F2RL2: variants seen among roughly 807,000 people sequenced by gnomAD.
F2RL2 encodes the protein coagulation factor II thrombin receptor like 2, also known as proteinase-activated receptor 3.
F2RL2 carries 4 observed loss-of-function variants against 4.3 expected under a neutral mutation model. The observed-to-expected ratio is 0.93, with a 90% CI of 0.46 to 2.12. The LOEUF (loss-of-function observed/expected upper bound fraction) is 2.12, where lower values mean the gene tolerates loss of function less well. Ranked by LOEUF, F2RL2 falls within the 30% of genes most tolerant of loss-of-function variation. The pLI, the probability that F2RL2 is intolerant of heterozygous loss-of-function variation, is 0.02. For missense variants in F2RL2, 408 were observed against 449.3 expected, an observed-to-expected ratio of 0.91 and a Z score of 0.83; for synonymous variants, 166 against 170.9, an observed-to-expected ratio of 0.97 and a Z score of 0.22.
Position 76,618,389 on chromosome 5 carries a change from TAC to T in F2RL2, c.316_317del (p.Val106SerfsTer43). On this transcript the variant is annotated frameshift_variant, in exon 2 of 2. Transcript: ENST00000296641. LOFTEE classifies it low-confidence loss of function (END_TRUNC). ...LIPAIYLLVF[V>X]VGVPANAVTL... ...TCACAGCATTGGCCGGGACACCAAC[TAC>T]AAACACCAGGAGGTAGATGGCAGGT... 1 of 1,614,200 alleles carries T rather than the reference TAC, an allele frequency of 6.2e-7. No individual in the cohort carries two copies. The highest frequency in any genetic ancestry group is 8.5e-7 in the Non-Finnish European group (1 of 1,180,028).
At chr5:76,619,677 T>C (rs1433918928) in intron 1 of F2RL2, among the ~76,000 whole-genome samples, 1 of 152,008 alleles carries the variant, frequency 6.6e-6, no homozygotes, top group Non-Finnish European at 1.5e-5. Flanking sequence ...CCACCAGGCC[T>C]GGCTAATTTT....
At chr5:76,618,926 C>T (rs988898129) in intron 1 of F2RL2, among the ~76,000 whole-genome samples, 2 of 152,116 alleles carry the variant, frequency 1.3e-5, no homozygotes, top group African/African-American at 4.8e-5. Flanking sequence ...ACATTATAGG[C>T]ATGTTGACTA....
rs76690481 is a variant in F2RL2, at chr5:76,620,602, A to C, written c.65-1960T>G. ...TTAGAAGACTGGATGTGGGTCCAAAATTCCAGGAGCCCAAATTAGAGGCAT... is the reference window on the plus strand; with the variant it reads ...TTAGAAGACTGGATGTGGGTCCAAACTTCCAGGAGCCCAAATTAGAGGCAT... On this transcript the variant is annotated intron_variant, in intron 1 of 1. Coordinates refer to ENST00000296641, the MANE Select transcript of F2RL2 (RefSeq NM_004101.4). Among the ~76,000 whole-genome samples the C allele has an allele frequency of 1.3e-4, 20 of 152,308 alleles. No homozygotes were observed. In the East Asian group the frequency reaches 3.7e-3, roughly 28 times the overall value.
In F2RL2 at chr5:76,618,398, C is replaced by T. The variant is rs201483044; in HGVS notation, c.309G>A (p.Leu103=). The T allele has an allele frequency of 2.9e-5, 47 of 1,614,188 alleles. No individual in the cohort carries two copies. In the East Asian group the frequency reaches 7.8e-4, roughly 27 times the overall value. Residue 103 remains leucine (L), a synonymous_variant, in exon 2 of 2, where the codon CTG becomes CTA. Coordinates refer to ENST00000296641, the MANE Select transcript of F2RL2 (RefSeq NM_004101.4). The part of the protein sequence containing the change: ...STKLIPAIYL[L]VFVVGVPANA... ...TGGCCGGGACACCAACTACAAACAC[C>T]AGGAGGTAGATGGCAGGTATCAGTT...
intron 1 of F2RL2, among the ~76,000 whole-genome samples, chr5:76,622,336 C>G (rs943651946): frequency 6.6e-6 from 1 of 152,176 alleles, no homozygotes. Context: ...TGCTAATCAC[C>G]ACAGATTCTC....
intron 1 of F2RL2, among the ~76,000 whole-genome samples, chr5:76,621,942 G>A (rs1172729378): frequency 6.6e-6 from 1 of 152,128 alleles, no homozygotes; most frequent in Non-Finnish European, 1.5e-5. Flanking sequence ...TGGATTCATA[G>A]TTTCTGTTTC....
Position 76,618,566 on chromosome 5 carries a change from A to C in F2RL2, c.141T>G (p.Ser47=). Residue 47 remains serine (S), a synonymous_variant, in exon 2 of 2, where the codon TCT becomes TCG. Transcript: ENST00000296641. ...IKTFRGAPPN[S]FEEFPFSALE... ...AGGCAGAAAAGGGGAACTCTTCAAA[A>C]GAATTTGGGGGAGCTCCACGAAAGG... 1 of 1,614,134 alleles carries C rather than the reference A, an allele frequency of 6.2e-7. No individual in the cohort carries two copies. The highest frequency in any genetic ancestry group is 1.3e-5 in the African/African-American group (1 of 75,058).
chr5:76,620,039 G>C (rs1910004), intron 1 of F2RL2, among the ~76,000 whole-genome samples: 57,166 of 151,960 alleles, frequency 0.38, 11,484 homozygotes, highest in Non-Finnish European at 0.47. Context: ...CTAGAGCCTC[G>C]AGAATGAACA....
chr5:76,616,693 TA>T lies in F2RL2; in HGVS notation c.*888del, dbSNP rs977626684. Reference sequence around the variant, plus strand: ...AGTGAGACTCCATCTCTGCAAAAAATAAAAAATAAAATTAGTTGGGTATGGT... The same window carrying T: ...AGTGAGACTCCATCTCTGCAAAAAATAAAAATAAAATTAGTTGGGTATGGT... On this transcript the variant is annotated 3_prime_UTR_variant, in exon 2 of 2. Transcript: ENST00000296641. The T allele has an allele frequency of 6.6e-6, 1 of 151,626 alleles. No homozygotes were observed. Among genetic ancestry groups the T allele is most frequent in the Non-Finnish European group, 1.5e-5 (1 of 67,870 alleles). The allele number at this position is 151,626 out of a possible 1,614,324, so 9.4% of individuals were successfully genotyped here. A position where few individuals can be genotyped will look rare whatever the true frequency, so the allele number is the denominator to read the frequency against.
chr5:76,622,097 C>T (rs1261857575), intron 1 of F2RL2, among the ~76,000 whole-genome samples: 1 of 152,158 alleles, frequency 6.6e-6, no homozygotes, highest in Non-Finnish European at 1.5e-5. Context: ...AAGCTTGCTT[C>T]ATTCTTCCTT....
intron 1 of F2RL2, 91 bp downstream of exon 1, chr5:76,623,074 TTG>T: frequency 8.7e-7 from 1 of 1,150,164 alleles, no homozygotes; most frequent in East Asian, 2.3e-5. Flanking sequence ...GGTTTACAGT[TTG>T]TGTGAGATGC....
At chr5:76,620,907 C>T (rs549786126) in intron 1 of F2RL2, among the ~76,000 whole-genome samples, 2 of 152,144 alleles carry the variant, frequency 1.3e-5, no homozygotes, top group South Asian at 2.1e-4. Context: ...CTAATTCCTG[C>T]AATTTCAAAA....
intron 1 of F2RL2, among the ~76,000 whole-genome samples, chr5:76,620,507 A>G (rs1749545368): frequency 6.6e-6 from 1 of 152,164 alleles, no homozygotes; most frequent in Admixed American, 6.6e-5. Context: ...GAGAAGCTAC[A>G]ATCTGTTTTT....
Position 76,617,509 on chromosome 5 carries a change from G to C in F2RL2, c.*73C>G. On this transcript the variant is annotated 3_prime_UTR_variant, in exon 2 of 2. Transcript: ENST00000296641. ...TAGGAGCTCGGAAATGGAGCTCCTT[G>C]CACTATGCTTATGTTGTTCTTGAAA... The C allele has an allele frequency of 1.8e-6, 2 of 1,141,412 alleles. No homozygotes were observed. The highest frequency in any genetic ancestry group is 2.5e-6 in the Non-Finnish European group (2 of 794,432). 70.7% of individuals were successfully genotyped at this position (1,141,412 alleles called of 1,614,324 possible). A position where few individuals can be genotyped will look rare whatever the true frequency, so the allele number is the denominator to read the frequency against.
chr5:76,621,461 A>G (rs1402522824), intron 1 of F2RL2, among the ~76,000 whole-genome samples: 2 of 152,222 alleles, frequency 1.3e-5, no homozygotes, highest in Non-Finnish European at 2.9e-5. Context: ...ATTTTGGAAA[A>G]GTTCTTGCAT....
At position 76,617,416 on chromosome 5, in the gene F2RL2, T is replaced by C; in HGVS notation, c.*166A>G. On this transcript the variant is annotated 3_prime_UTR_variant, in exon 2 of 2. Transcript: ENST00000296641. ...GCCAGTCTGGGTGATAAAGTGAGAC[T>C]CAGTCTCAAAAACAAACAAACAAAC... 1.7e-6 allele frequency: 1 copy of C among 602,064 alleles called. No homozygotes were observed. The allele number at this position is 602,064 out of a possible 1,614,324, so 37.3% of individuals were successfully genotyped here.
At position 76,618,336 on chromosome 5, in the gene F2RL2, C is replaced by CT. The variant is rs1468199561; in HGVS notation, c.370dup (p.Arg124LysfsTer26). ...GTAGAATACAGTGGTACAGATGGAT[C>CT]TGGTCCTGAAGAAAAGCATCCACAG... On this transcript the variant is annotated frameshift_variant, in exon 2 of 2. Coordinates refer to ENST00000296641, the MANE Select transcript of F2RL2 (RefSeq NM_004101.4). LOFTEE classifies it low-confidence loss of function (END_TRUNC). 6.2e-7 allele frequency: 1 copy of CT among 1,614,154 alleles called. No homozygotes were observed. The highest frequency in any genetic ancestry group is 8.5e-7 in the Non-Finnish European group (1 of 1,180,028).
chr5:76,621,519 G>A (rs1749668890), intron 1 of F2RL2, among the ~76,000 whole-genome samples: 1 of 152,202 alleles, frequency 6.6e-6, no homozygotes, highest in Admixed American at 6.5e-5. Context: ...CACAAAGTTA[G>A]AGAATGGTGC....
rs1162501451 is a variant in F2RL2 at position 76,615,698 on chromosome 5, T to C, written c.*1884A>G. 1 of 152,242 alleles carries C rather than the reference T, an allele frequency of 6.6e-6. No homozygotes were observed. Among genetic ancestry groups the C allele is most frequent in the Non-Finnish European group, 1.5e-5 (1 of 68,030 alleles). 9.4% of individuals were successfully genotyped at this position (152,242 alleles called of 1,614,324 possible). On this transcript the variant is annotated 3_prime_UTR_variant, in exon 2 of 2. Transcript: ENST00000296641. ...CCCTCCTGTCTAATCACTAATGTCT[T>C]CCTTCCTGTCTAATCACTGAGTTAA...
Sources: allele counts gnomAD v4.1 joint callset (sites outside exome capture counted in the v4.1 genomes callset), GRCh38; gene constraint gnomAD v4.1.1; transcripts MANE v1.5; gene names NCBI Gene and HGNC (gene_info 2026-07-23, HGNC 2026-07-21).